Variants in BRINP1 observed in about 807,000 individuals in gnomAD.
BRINP1 encodes BMP/retinoic acid inducible neural specific 1, also known as BMP/retinoic acid-inducible neural-specific protein 1.
A neutral mutation model predicts 72.9 loss-of-function variants in BRINP1; 17 were observed. The observed-to-expected ratio is 0.23, with a 90% CI of 0.16 to 0.35. The LOEUF is 0.35. BRINP1 is among the 10% of genes least tolerant of loss of function. BRINP1 has a pLI of 1.00. For synonymous variants in BRINP1, 418 were observed against 378.5 expected, an observed-to-expected ratio of 1.10 and a Z score of -1.21; for missense variants, 850 against 1,001.6, an observed-to-expected ratio of 0.85 and a Z score of 2.04.
intron 7 of BRINP1, among the ~76,000 whole-genome samples, chr9:119,193,366 A>G (rs2118853131): frequency 6.6e-6 from 1 of 152,300 alleles, no homozygotes; most frequent in East Asian, 1.9e-4. Flanking sequence ...GAAGGAAAAG[A>G]AAAAAAGAGC....
intron 1 of BRINP1, among the ~76,000 whole-genome samples, chr9:119,355,598 G>A (rs1197524091): frequency 6.6e-5 from 10 of 152,026 alleles, no homozygotes; most frequent in Admixed American, 2.6e-4. Flanking sequence ...GCGTGGTGGT[G>A]GGTGCCTGTA....
intron 5 of BRINP1, among the ~76,000 whole-genome samples, chr9:119,231,635 TATC>T (rs1353285758): frequency 4.6e-5 from 7 of 152,100 alleles, no homozygotes; most frequent in Non-Finnish European, 1.0e-4. Flanking sequence ...TGTTGCTAAA[TATC>T]ATCCTCAGTT....
intron 7 of BRINP1, among the ~76,000 whole-genome samples, chr9:119,172,282 A>AAAAT (rs1165406308): frequency 6.7e-5 from 10 of 149,010 alleles, no homozygotes; most frequent in African/African-American, 2.3e-4. Context: ...GACGCAATAA[A>AAAAT]AAATGATAAA....
chr9:119,348,760 T>C (rs1362750496), intron 1 of BRINP1, among the ~76,000 whole-genome samples: 4 of 152,204 alleles, frequency 2.6e-5, no homozygotes, highest in South Asian at 4.1e-4. Flanking sequence ...TGTGGGCTTT[T>C]GGAGGATTTG....
intron 7 of BRINP1, among the ~76,000 whole-genome samples, chr9:119,178,542 A>T (rs752515745): frequency 2.0e-5 from 3 of 152,188 alleles, no homozygotes; most frequent in African/African-American, 7.2e-5. Context: ...GTTATCATGG[A>T]TAGTCATAAA....
intron 7 of BRINP1, among the ~76,000 whole-genome samples, chr9:119,207,622 C>A (rs1231681055): frequency 1.3e-5 from 2 of 152,192 alleles, no homozygotes; most frequent in African/African-American, 4.8e-5. Flanking sequence ...GGGAAAACGT[C>A]ACCCCCAAGT....
At chr9:119,184,931 T>C (rs1260237713) in intron 7 of BRINP1, among the ~76,000 whole-genome samples, 1 of 152,132 alleles carries the variant, frequency 6.6e-6, no homozygotes, top group Admixed American at 6.5e-5. Context: ...AAGGAAATAA[T>C]AATGCTTTCC....
chr9:119,367,933 G>A (rs1324625), intron 1 of BRINP1, among the ~76,000 whole-genome samples: 97,016 of 152,028 alleles, frequency 0.64, 31,450 homozygotes, highest in East Asian at 1. Flanking sequence ...CATATTTAGG[G>A]AGAGACTCTC....
chr9:119,197,647 A>T (rs1402352504), intron 7 of BRINP1, among the ~76,000 whole-genome samples: 1 of 152,066 alleles, frequency 6.6e-6, no homozygotes, highest in Non-Finnish European at 1.5e-5. Flanking sequence ...CTCCCATCAG[A>T]TAAATGTGGT....
intron 1 of BRINP1, among the ~76,000 whole-genome samples, chr9:119,366,564 T>G (rs1831695154): frequency 1.5e-5 from 2 of 136,652 alleles, no homozygotes; most frequent in African/African-American, 5.5e-5. Flanking sequence ...GTGTGTGTCT[T>G]TCGGGAATAG....
chr9:119,358,159 A>G (rs1365889114), intron 1 of BRINP1, among the ~76,000 whole-genome samples: 2 of 152,172 alleles, frequency 1.3e-5, no homozygotes, highest in African/African-American at 4.8e-5. Flanking sequence ...ACCTAATAAA[A>G]TAAATGAGAA....
chr9:119,236,396 TTAGA>T (rs775345783), intron 5 of BRINP1, among the ~76,000 whole-genome samples: 39 of 152,230 alleles, frequency 2.6e-4, no homozygotes, highest in African/African-American at 9.4e-4. Context: ...AAATTCAAAA[TTAGA>T]TAGGAAATCA....
At chr9:119,342,466 A>G (rs1031875886) in intron 1 of BRINP1, among the ~76,000 whole-genome samples, 1 of 152,218 alleles carries the variant, frequency 6.6e-6, no homozygotes, top group African/African-American at 2.4e-5. Flanking sequence ...AAAAAGTGTC[A>G]TATAAGAACA....
At chr9:119,296,561 A>C (rs1202715512) in intron 2 of BRINP1, among the ~76,000 whole-genome samples, 1 of 152,206 alleles carries the variant, frequency 6.6e-6, no homozygotes, top group Non-Finnish European at 1.5e-5. Context: ...AGCTATCTGC[A>C]TTCTCATGTC....
chr9:119,200,910 G>A (rs919674482), intron 7 of BRINP1, among the ~76,000 whole-genome samples: 1 of 151,878 alleles, frequency 6.6e-6, no homozygotes. Flanking sequence ...TTGAAATGAA[G>A]GGCTACTGGG....
At chr9:119,271,540 A>G (rs1228792103) in intron 2 of BRINP1, among the ~76,000 whole-genome samples, 2 of 152,140 alleles carry the variant, frequency 1.3e-5, no homozygotes, top group African/African-American at 2.4e-5. Context: ...TTTATATAAT[A>G]CATTCATTTA....
At chr9:119,312,187 A>G (rs1385335608) in intron 2 of BRINP1, among the ~76,000 whole-genome samples, 1 of 152,248 alleles carries the variant, frequency 6.6e-6, no homozygotes, top group Non-Finnish European at 1.5e-5. Context: ...AAACTGCATT[A>G]CAGACACCAC....
At chr9:119,246,473 A>G (rs1830318126) in intron 3 of BRINP1, among the ~76,000 whole-genome samples, 1 of 152,072 alleles carries the variant, frequency 6.6e-6, no homozygotes, top group African/African-American at 2.4e-5. Context: ...CAGCTTTGGG[A>G]CTCGGACTTG....
intron 7 of BRINP1, 128 bp downstream of exon 7, chr9:119,208,591 T>C: frequency 1.1e-6 from 1 of 879,110 alleles, no homozygotes; most frequent in Non-Finnish European, 1.8e-6. Flanking sequence ...ATTGTTGGTC[T>C]GGACCATGCG....
Sources: gnomAD v4.1 joint callset for allele counts (sites outside exome capture counted in the v4.1 genomes callset) on GRCh38, gnomAD v4.1.1 for gene constraint, MANE v1.5 for transcripts, NCBI Gene and HGNC (gene_info 2026-07-23, HGNC 2026-07-21) for gene names.